The following CNTLN variants were observed in gnomAD, a reference collection of about 807,000 sequenced individuals.
CNTLN encodes the protein centlein.
Under a neutral mutation model 180.0 loss-of-function variants are expected in CNTLN, and 212 were observed. The ratio of observed to expected loss-of-function variants is 1.18; its 90% CI spans 1.05 to 1.32. CNTLN has a LOEUF of 1.32. CNTLN is among the 40% of genes most tolerant of loss of function. The pLI is 0.00. For missense variants in CNTLN, 2,095 were observed against 1,610.9 expected, an observed-to-expected ratio of 1.30 and a Z score of -5.14; for synonymous variants, 722 against 563.1, an observed-to-expected ratio of 1.28 and a Z score of -3.99.
chr9:17,330,541 C>T, intron 8 of CNTLN, 91 bp from the exon 9 acceptor site: 1 of 683,828 alleles, frequency 1.5e-6, no homozygotes, highest in Non-Finnish European at 2.2e-6. Context: ...TTTACAATTT[C>T]TATAATATAG....
intron 6 of CNTLN, among the ~76,000 whole-genome samples, chr9:17,296,270 C>T (rs535128343): frequency 7.7e-4 from 117 of 152,120 alleles, no homozygotes; most frequent in African/African-American, 2.6e-3. Context: ...CCACCTGCCT[C>T]GGCCTCCAAA....
chr9:17,516,419 T>G, the CNTLN span, among the ~76,000 whole-genome samples: 3 of 152,174 alleles, frequency 2.0e-5, no homozygotes, highest in South Asian at 4.1e-4. Context: ...AATTAATGTT[T>G]TATGTGATAT....
chr9:17,478,603 C>T (rs1282238572), intron 23 of CNTLN, among the ~76,000 whole-genome samples: 2 of 151,818 alleles, frequency 1.3e-5, no homozygotes, highest in Non-Finnish European at 2.9e-5. Context: ...CAAGCGTCTT[C>T]TAGAAATTTT....
intron 2 of CNTLN, among the ~76,000 whole-genome samples, chr9:17,178,606 A>G (rs765435444): frequency 9.9e-5 from 15 of 151,928 alleles, no homozygotes; most frequent in Non-Finnish European, 2.1e-4. Flanking sequence ...TGAGAAATCG[A>G]GCACAGCAGC....
intron 2 of CNTLN, among the ~76,000 whole-genome samples, chr9:17,222,128 A>T (rs746663681): frequency 1.3e-5 from 2 of 151,998 alleles, no homozygotes. Context: ...AAAAAACAAA[A>T]ACAAAAACAA....
rs1368411222 is a variant in CNTLN, at chr9:17,135,410, G to A, written c.345G>A (p.Glu115=). The A allele has an allele frequency of 6.3e-7, 1 of 1,596,970 alleles. No homozygotes were observed. Among genetic ancestry groups the A allele is most frequent in the Non-Finnish European group, 8.5e-7 (1 of 1,172,980 alleles). The part of the protein sequence containing the change: ...LEEELSSLKE[E]LALCQADKEF... ...AAGAGCTGAGCAGCCTAAAGGAGGA[G>A]TTGGCCCTGTGTCAGGTATCGAGGA... is the stretch of plus-strand genomic sequence containing the variant. Residue 115 remains glutamate (E), a synonymous_variant, in exon 1 of 26, where the codon GAG becomes GAA. Transcript: ENST00000380647.
intron 8 of CNTLN, among the ~76,000 whole-genome samples, chr9:17,325,480 C>G (rs555016406): frequency 6.8e-6 from 1 of 146,244 alleles, no homozygotes; most frequent in Non-Finnish European, 1.5e-5. Context: ...TTCAGAGAAC[C>G]GTCATTCAAG....
At chr9:17,519,901 G>GCA in the CNTLN span, among the ~76,000 whole-genome samples, 18 of 152,196 alleles carry the variant, frequency 1.2e-4, no homozygotes. Context: ...TATAGCTGGG[G>GCA]TGAAGCAAGA....
At chr9:17,271,361 C>G (rs1010544205) in intron 5 of CNTLN, among the ~76,000 whole-genome samples, 1 of 152,120 alleles carries the variant, frequency 6.6e-6, no homozygotes, top group African/African-American at 2.4e-5. Context: ...TGTGTGAGGG[C>G]TAGCTTTAGG....
At chr9:17,386,176 AAG>A (rs1825668894) in intron 13 of CNTLN, among the ~76,000 whole-genome samples, 1 of 152,084 alleles carries the variant, frequency 6.6e-6, no homozygotes, top group Admixed American at 6.5e-5. Flanking sequence ...AATTAAAAAA[AAG>A]AATCTAAAAG....
intron 2 of CNTLN, among the ~76,000 whole-genome samples, chr9:17,158,183 G>A (rs200102627): frequency 1.3e-5 from 2 of 152,184 alleles, no homozygotes; most frequent in East Asian, 3.9e-4. Flanking sequence ...GTATTCTATT[G>A]ATGTGATGTA....
At chr9:17,179,785 T>G (rs1821004953) in intron 2 of CNTLN, among the ~76,000 whole-genome samples, 1 of 152,174 alleles carries the variant, frequency 6.6e-6, no homozygotes, top group African/African-American at 2.4e-5. Flanking sequence ...ACATAATTAT[T>G]GATTTATCTA....
At chr9:17,480,047 G>A (rs2442002) in intron 23 of CNTLN, among the ~76,000 whole-genome samples, 146,424 of 152,150 alleles carry the variant, frequency 0.96, 70,732 homozygotes, top group East Asian at 1. Context: ...GAAATTGACC[G>A]GTCATGGTGG....
In CNTLN at chr9:17,502,893, T is replaced by G; in HGVS notation, c.*241T>G. 4.5e-6 allele frequency: 1 copy of G among 221,362 alleles called. No homozygotes were observed. Among genetic ancestry groups the G allele is most frequent in the Non-Finnish European group, 8.8e-6 (1 of 114,154 alleles). 13.7% of individuals were successfully genotyped at this position (221,362 alleles called of 1,614,324 possible). On this transcript the variant is annotated 3_prime_UTR_variant, in exon 26 of 26. Coordinates refer to ENST00000380647, the MANE Select transcript of CNTLN (RefSeq NM_017738.4). ...GAATACAAATATTGCCACAAATCAGTGCAAACTTAAAAATGATTTTCCTTC... is the reference window on the plus strand; with the variant it reads ...GAATACAAATATTGCCACAAATCAGGGCAAACTTAAAAATGATTTTCCTTC...
At chr9:17,295,133 C>T (rs57850734) in intron 6 of CNTLN, among the ~76,000 whole-genome samples, 32,347 of 151,294 alleles carry the variant, frequency 0.21, 4,515 homozygotes, top group African/African-American at 0.39. Flanking sequence ...GAGTGCGGGC[C>T]GCCAAGCCCA....
At position 17,419,676 on chromosome 9, in the gene CNTLN, A is replaced by G. The variant is rs75642033; in HGVS notation, c.3114+3487A>G. 2.2e-4 allele frequency among the ~76,000 whole-genome samples: 34 copies of G among 152,276 alleles called. No individual in the cohort carries two copies. In the East Asian group the frequency reaches 5.8e-3, roughly 26 times the overall value. On this transcript the variant is annotated intron_variant, in intron 18 of 25. Coordinates refer to ENST00000380647, the MANE Select transcript of CNTLN (RefSeq NM_017738.4). ...TACAGAGAAATAGAAAGCATATATA[A>G]GAAATAACCTTATACCCTTCAGAAA...
intron 13 of CNTLN, among the ~76,000 whole-genome samples, chr9:17,378,180 G>A (rs960897895): frequency 6.6e-6 from 1 of 151,674 alleles, no homozygotes; most frequent in Non-Finnish European, 1.5e-5. Flanking sequence ...ATGTTTTATC[G>A]TTCTTTTGTT....
chr9:17,449,895 CT>C (rs1830686721), intron 18 of CNTLN, among the ~76,000 whole-genome samples: 1 of 152,242 alleles, frequency 6.6e-6, no homozygotes, highest in East Asian at 1.9e-4. Flanking sequence ...TATTTTTGGT[CT>C]TTCAGAATTA....
chr9:17,284,680 A>G (rs559344810), intron 6 of CNTLN, among the ~76,000 whole-genome samples: 2 of 151,906 alleles, frequency 1.3e-5, no homozygotes, highest in South Asian at 4.2e-4. Context: ...CAGTCTATCC[A>G]TTTTATTAAT....
Sources: allele counts gnomAD v4.1 joint callset (sites outside exome capture counted in the v4.1 genomes callset), GRCh38; gene constraint gnomAD v4.1.1; transcripts MANE v1.5; gene names NCBI Gene and HGNC (gene_info 2026-07-23, HGNC 2026-07-21).